Variants in CTNNA2 observed in about 807,000 individuals in gnomAD.
CTNNA2 encodes the protein catenin alpha 2.
Under a neutral mutation model 101.0 loss-of-function variants are expected in CTNNA2, and 42 were observed. The ratio of observed to expected loss-of-function variants is 0.42; its 90% CI spans 0.32 to 0.54. CTNNA2 has a LOEUF of 0.54. Among genes scored for constraint, CTNNA2 ranks in the 20% least tolerant of loss-of-function variants. CTNNA2 has a pLI of 0.14. For missense variants in CTNNA2, 871 were observed against 1,223.1 expected (o/e 0.71, Z 4.29); for synonymous variants, 450 against 456.4 (o/e 0.99, Z 0.18).
At chr2:79,747,425 A>G (rs1441139222) in intron 3 of CTNNA2, among the ~76,000 whole-genome samples, 1 of 152,194 alleles carries the variant, frequency 6.6e-6, no homozygotes, top group Non-Finnish European at 1.5e-5. Context: ...AAATTTTGAC[A>G]AATGTATACA....
intron 3 of CTNNA2, among the ~76,000 whole-genome samples, chr2:79,331,728 T>G (rs1485171218): frequency 6.6e-6 from 1 of 152,108 alleles, no homozygotes; most frequent in East Asian, 1.9e-4. Context: ...GTAGAGAAAT[T>G]TTTCAATTTC....
intron 7 of CTNNA2, among the ~76,000 whole-genome samples, chr2:79,928,690 G>C (rs1345328495): frequency 2.0e-5 from 3 of 152,192 alleles, no homozygotes; most frequent in Non-Finnish European, 4.4e-5. Context: ...TGATACAGAT[G>C]ATAGAGGTGG....
At chr2:79,974,913 T>C (rs1690729293) in intron 7 of CTNNA2, among the ~76,000 whole-genome samples, 1 of 152,054 alleles carries the variant, frequency 6.6e-6, no homozygotes, top group Non-Finnish European at 1.5e-5. Context: ...AAAGGTGTCA[T>C]TGAGGTGACT....
At chr2:80,198,692 A>G (rs56231764) in intron 7 of CTNNA2, among the ~76,000 whole-genome samples, 37,368 of 152,108 alleles carry the variant, frequency 0.25, 7,409 homozygotes, top group African/African-American at 0.55. Context: ...ATGAAACACC[A>G]TTCATTGCCG....
intron 4 of CTNNA2, among the ~76,000 whole-genome samples, chr2:79,862,771 G>A (rs1428036363): frequency 6.6e-6 from 1 of 152,212 alleles, no homozygotes; most frequent in Admixed American, 6.5e-5. Context: ...CATTAGCATA[G>A]AGTGCAATGC....
intron 1 of CTNNA2, among the ~76,000 whole-genome samples, chr2:79,600,025 A>G (rs575425896): frequency 4.6e-5 from 7 of 152,306 alleles, no homozygotes; most frequent in Admixed American, 1.3e-4. Context: ...TTTGTTAAAG[A>G]CAGATTAGGC....
At chr2:79,605,238 T>C (rs1226571154) in intron 1 of CTNNA2, among the ~76,000 whole-genome samples, 1 of 152,120 alleles carries the variant, frequency 6.6e-6, no homozygotes, top group Non-Finnish European at 1.5e-5. Context: ...TAGTGGTAGA[T>C]TCGCCATGAT....
At chr2:80,397,049 G>T (rs1678085191) in intron 8 of CTNNA2, among the ~76,000 whole-genome samples, 1 of 152,088 alleles carries the variant, frequency 6.6e-6, no homozygotes, top group African/African-American at 2.4e-5. Flanking sequence ...ATGTTTAAAG[G>T]CTGATTCATT....
At chr2:79,528,175 A>C (rs1453378983) in intron 1 of CTNNA2, among the ~76,000 whole-genome samples, 1 of 150,870 alleles carries the variant, frequency 6.6e-6, no homozygotes. Context: ...TGAAGAATGA[A>C]CGCTAATGGG....
At chr2:79,714,378 A>G in intron 2 of CTNNA2, among the ~76,000 whole-genome samples, 1 of 150,978 alleles carries the variant, frequency 6.6e-6, no homozygotes, top group East Asian at 1.9e-4. Context: ...TTCCCACTGG[A>G]GAATTGCAGT....
At chr2:80,060,831 G>T (rs1697550922) in intron 7 of CTNNA2, among the ~76,000 whole-genome samples, 1 of 152,172 alleles carries the variant, frequency 6.6e-6, no homozygotes, top group Admixed American at 6.5e-5. Flanking sequence ...GTTGACCACT[G>T]ACTGTTCACA....
intron 7 of CTNNA2, among the ~76,000 whole-genome samples, chr2:80,201,851 T>C (rs1318983533): frequency 1.3e-5 from 2 of 152,184 alleles, no homozygotes; most frequent in Non-Finnish European, 2.9e-5. Flanking sequence ...AATTTTCTTT[T>C]CTCTGTTAAA....
At chr2:80,541,650 G>A (rs867400618) in intron 9 of CTNNA2, among the ~76,000 whole-genome samples, 1 of 151,948 alleles carries the variant, frequency 6.6e-6, no homozygotes, top group Non-Finnish European at 1.5e-5. Flanking sequence ...CAGGTGACTC[G>A]CAGTCAGCAT....
At chr2:79,319,578 A>AC (rs1676571373) in intron 3 of CTNNA2, 2 of 151,810 alleles carry the variant, frequency 1.3e-5, no homozygotes, top group Admixed American at 6.6e-5. Context: ...AAAAGCAGTG[A>AC]CTGAGCTGCC....
intron 4 of CTNNA2, among the ~76,000 whole-genome samples, chr2:79,438,149 G>A (rs965942315): frequency 2.0e-5 from 3 of 152,122 alleles, no homozygotes; most frequent in African/African-American, 4.8e-5. Context: ...ATGGAGACGC[G>A]GAGGCAGAAG....
At chr2:80,441,881 C>A (rs952552434) in intron 9 of CTNNA2, among the ~76,000 whole-genome samples, 2 of 152,218 alleles carry the variant, frequency 1.3e-5, no homozygotes, top group Non-Finnish European at 2.9e-5. Context: ...CACTGAGGAG[C>A]AAGACATGCC....
chr2:79,415,028 T>C (rs2104496034), intron 4 of CTNNA2, among the ~76,000 whole-genome samples: 1 of 152,290 alleles, frequency 6.6e-6, no homozygotes, highest in South Asian at 2.1e-4. Context: ...TAACTTACTT[T>C]CAACCATCAC....
intron 2 of CTNNA2, among the ~76,000 whole-genome samples, chr2:79,684,764 A>C (rs4852511): frequency 0.47 from 71,465 of 151,984 alleles, 17,328 homozygotes; most frequent in Admixed American, 0.53. Context: ...TTTATTTGCC[A>C]TGAAATGACT....
intron 7 of CTNNA2, among the ~76,000 whole-genome samples, chr2:80,014,831 A>G (rs1021526769): frequency 6.6e-6 from 1 of 152,218 alleles, no homozygotes; most frequent in Non-Finnish European, 1.5e-5. Flanking sequence ...GAATTACCCT[A>G]TATGAATCAT....
Sources: gnomAD v4.1 joint callset for allele counts (sites outside exome capture counted in the v4.1 genomes callset) on GRCh38, gnomAD v4.1.1 for gene constraint, MANE v1.5 for transcripts, NCBI Gene and HGNC (gene_info 2026-07-23, HGNC 2026-07-21) for gene names.